The following SQOR variants were observed in gnomAD, a reference collection of about 807,000 sequenced individuals.
The protein encoded by SQOR is sulfide quinone oxidoreductase.
SQOR carries 39 observed loss-of-function variants against 48.6 expected under a neutral mutation model. The ratio of observed to expected loss-of-function variants is 0.80; its 90% confidence interval spans 0.62 to 1.05. The LOEUF is 1.05. SQOR is among the 50% of genes least tolerant of loss of function. The pLI, the probability that SQOR is intolerant of heterozygous loss-of-function variation, is 0.00. For synonymous variants in SQOR, 220 were observed against 206.2 expected (o/e 1.07, Z -0.57); for missense variants, 561 against 559.9 (o/e 1.00, Z -0.02).
intron 6 of SQOR, among the ~76,000 whole-genome samples, chr15:45,681,697 A>G (rs1275060099): frequency 1.3e-5 from 2 of 152,220 alleles, no homozygotes; most frequent in Non-Finnish European, 2.9e-5. Flanking sequence ...TTAAAAATAA[A>G]TAAAAAGAAT....
At chr15:45,634,123 C>T (rs1286317237), upstream of SQOR, among the ~76,000 whole-genome samples, 3 of 146,794 alleles carry the variant, frequency 2.0e-5, no homozygotes, top group Non-Finnish European at 4.5e-5. Flanking sequence ...TTGCAGTGAG[C>T]CGAGATTGCT....
intron 3 of SQOR, among the ~76,000 whole-genome samples, chr15:45,668,640 C>T (rs1566920478): frequency 6.6e-6 from 1 of 152,188 alleles, no homozygotes; most frequent in Non-Finnish European, 1.5e-5. Context: ...CTTCCCTTGG[C>T]TCCTCAGCCA....
intron 4 of SQOR, among the ~76,000 whole-genome samples, chr15:45,670,362 A>G (rs1889916852): frequency 6.6e-6 from 1 of 152,176 alleles, no homozygotes; most frequent in Non-Finnish European, 1.5e-5. Flanking sequence ...AGCAGACTTT[A>G]AGGGGTGGAA....
chr15:45,682,590 G>A lies in SQOR; in HGVS notation c.977G>A (p.Arg326Lys), dbSNP rs1012736616. The A allele has an allele frequency of 6.2e-7, 1 of 1,614,068 alleles. No homozygotes were observed. Residue 326 changes from arginine (R) to lysine (K), a missense_variant, in exon 7 of 10, where the codon AGG becomes AAG. Transcript: ENST00000260324. Reference protein sequence around the residue: ...VDVDKETLQHRRYPNVFGIGD... With the variant: ...VDVDKETLQHKRYPNVFGIGD... ...GTGGATAAAGAAACTCTGCAACACA[G>A]GAGGTACCCAAATGTGTTTGGGATT...
intron 1 of SQOR, among the ~76,000 whole-genome samples, chr15:45,656,184 T>C (rs1889607305): frequency 3.3e-5 from 5 of 152,186 alleles, no homozygotes; most frequent in African/African-American, 7.2e-5. Flanking sequence ...CTATCTGCCT[T>C]AGTTTTACCA....
Position 45,673,758 on chromosome 15 carries a change from C to T in SQOR, c.611C>T (p.Ala204Val), listed in dbSNP as rs760762286. The part of the protein sequence containing the change: ...FPNTPVKCAG[A>V]PQKIMYLSEA... ...AATACTCCAGTGAAGTGTGCTGGAG[C>T]CCCTCAGAAGATCATGTACTTATCA... The change falls in exon 5 of 10, where the codon GCC becomes GTC. Residue 204 changes from alanine (A) to valine (V), a missense_variant. Coordinates refer to ENST00000260324, the MANE Select transcript of SQOR (RefSeq NM_021199.4). 6.2e-7 allele frequency: 1 copy of T among 1,614,162 alleles called. No homozygotes were observed. The highest frequency in any genetic ancestry group is 1.1e-5 in the South Asian group (1 of 91,084).
intron 9 of SQOR, among the ~76,000 whole-genome samples, chr15:45,690,025 CATAGTAGGGATTCAATAAGTAAAT>C (rs963358152): frequency 2.0e-5 from 3 of 150,900 alleles, no homozygotes; most frequent in Non-Finnish European, 2.9e-5. Context: ...GAGGCAGGTA[CATAGTAGGGATTCAATAAGTAAAT>C]AGAGTAATAA....
chr15:45,647,494 A>T (rs8023730), intron 1 of SQOR, among the ~76,000 whole-genome samples: 53,478 of 151,314 alleles, frequency 0.35, 10,547 homozygotes, highest in East Asian at 0.73. Flanking sequence ...GCTTGGCTAA[A>T]TTTTGTACTT....
chr15:45,641,538 G>T (rs942438416), intron 1 of SQOR, among the ~76,000 whole-genome samples: 1 of 152,192 alleles, frequency 6.6e-6, no homozygotes, highest in Non-Finnish European at 1.5e-5. Flanking sequence ...CAGCTCCAGA[G>T]GGAGAGTTTC....
rs752518896 is a variant in SQOR at position 45,689,210 on chromosome 15, A to T, written c.1288A>T (p.Met430Leu). ...DLMPFLYWNM[M>L]LRGYWGGPAF... ...GATGCCTTTCCTGTATTGGAATATG[A>T]TGCTAAGGTAAGTGCACTGCCTGGT... Residue 430 changes from methionine to leucine, a missense_variant, in exon 9 of 10, where the codon ATG becomes TTG. Transcript: ENST00000260324. 6.2e-7 allele frequency: 1 copy of T among 1,613,940 alleles called. No homozygotes were observed. Among genetic ancestry groups the T allele is most frequent in the Non-Finnish European group, 8.5e-7 (1 of 1,179,910 alleles).
At chr15:45,652,504 G>A (rs72715008) in intron 1 of SQOR, among the ~76,000 whole-genome samples, 13,761 of 151,932 alleles carry the variant, frequency 0.091, 748 homozygotes, top group Middle Eastern at 0.21. Context: ...CGGCAGGTCC[G>A]GCTACTTTTT....
At chr15:45,676,373 T>C in intron 6 of SQOR, 63 bp downstream of exon 6, 1 of 1,501,078 alleles carries the variant, frequency 6.7e-7, no homozygotes, top group Non-Finnish European at 9.2e-7. Context: ...CATAGATACA[T>C]GGGGGCTCAC....
At chr15:45,677,040 A>T (rs796155018) in intron 6 of SQOR, among the ~76,000 whole-genome samples, 1,296 of 79,046 alleles carry the variant, frequency 0.016, 25 homozygotes, top group African/African-American at 0.045. Flanking sequence ...GACTCCGTCT[A>T]AAAAAAAAAA....
Position 45,659,169 on chromosome 15 carries a change from C to T in SQOR, c.234+12C>T, listed in dbSNP as rs754908412. The T allele has an allele frequency of 1.3e-6, 2 of 1,500,850 alleles. No individual in the cohort carries two copies. The highest frequency in any genetic ancestry group is 1.8e-6 in the Non-Finnish European group (2 of 1,115,390). The allele number at this position is 1,500,850 out of a possible 1,614,324, so 93.0% of individuals were successfully genotyped here. A position where few individuals can be genotyped will look rare whatever the true frequency, so the allele number is the denominator to read the frequency against. ...TTGAGCCCAGTGAGGTAAGCCTCCC[C>T]TTTTGAGGGCCTGGGTGTGTGTGTA... On this transcript the variant is annotated intron_variant, in intron 2 of 9. Coordinates refer to ENST00000260324, the MANE Select transcript of SQOR (RefSeq NM_021199.4).
chr15:45,641,806 T>C (rs1436875146), intron 1 of SQOR, among the ~76,000 whole-genome samples: 1 of 152,200 alleles, frequency 6.6e-6, no homozygotes, highest in Non-Finnish European at 1.5e-5. Context: ...GCTGCTCACA[T>C]CCTGTCTTCA....
intron 3 of SQOR, among the ~76,000 whole-genome samples, chr15:45,667,546 C>T (rs186166443): frequency 6.6e-6 from 1 of 152,262 alleles, no homozygotes; most frequent in Admixed American, 6.5e-5. Context: ...GTCATCTGAC[C>T]TGAAAACTTG....
At chr15:45,658,435 C>T (rs1889654629) in intron 1 of SQOR, among the ~76,000 whole-genome samples, 1 of 152,178 alleles carries the variant, frequency 6.6e-6, no homozygotes, top group South Asian at 2.1e-4. Flanking sequence ...AACAAGGTCT[C>T]AGGTGCCTTT....
chr15:45,662,068 TA>T lies in SQOR; in HGVS notation c.349del (p.Arg117GlufsTer2). Reference protein sequence around the residue: ...IPSGVEWIKARVTELNPDKNC... With the variant: ...IPSGVEWIKAXVTELNPDKNC... Reference sequence around the variant, plus strand: ...CATCTGGTGTAGAATGGATCAAAGCTAGAGTGACTGAGTTGAACCCAGACAA... The same window carrying T: ...CATCTGGTGTAGAATGGATCAAAGCTGAGTGACTGAGTTGAACCCAGACAA... On this transcript the variant is annotated frameshift_variant, in exon 3 of 10. Coordinates refer to ENST00000260324, the MANE Select transcript of SQOR (RefSeq NM_021199.4). LOFTEE classifies it high-confidence loss of function. 1 of 1,614,198 alleles carries T rather than the reference TA, an allele frequency of 6.2e-7. No individual in the cohort carries two copies. Among genetic ancestry groups the T allele is most frequent in the African/African-American group, 1.3e-5 (1 of 75,066 alleles).
At chr15:45,652,504 G>C (rs72715008) in intron 1 of SQOR, among the ~76,000 whole-genome samples, 1 of 151,840 alleles carries the variant, frequency 6.6e-6, no homozygotes, top group Non-Finnish European at 1.5e-5. Flanking sequence ...CGGCAGGTCC[G>C]GCTACTTTTT....
Sources: allele counts gnomAD v4.1 joint callset (sites outside exome capture counted in the v4.1 genomes callset), GRCh38; gene constraint gnomAD v4.1.1; transcripts MANE v1.5; gene names NCBI Gene and HGNC (gene_info 2026-07-23, HGNC 2026-07-21).